The following LILRB5 variants were observed in gnomAD, a reference collection of about 807,000 sequenced individuals.
LILRB5 encodes the protein leukocyte immunoglobulin like receptor B5.
A neutral mutation model predicts 68.4 loss-of-function variants in LILRB5; 61 were observed. The observed-to-expected ratio is 0.89, with a 90% CI of 0.73 to 1.10. LILRB5 has a LOEUF of 1.10. Among genes scored for constraint, LILRB5 ranks in the 50% least tolerant of loss-of-function variants. The pLI is 0.00. For missense variants in LILRB5, 771 were observed against 751.6 expected, an observed-to-expected ratio of 1.03 and a Z score of -0.30; for synonymous variants, 356 against 315.8, an observed-to-expected ratio of 1.13 and a Z score of -1.35.
In LILRB5 at chr19:54,257,028, C is replaced by T. The variant is rs375838392; in HGVS notation, c.35-32G>A. 1.5e-5 allele frequency: 24 copies of T among 1,614,080 alleles called. No homozygotes were observed. In the Admixed American group the frequency reaches 2.8e-4, roughly 19 times the overall value. ...GAGAGTTCCCTGTGAGGGATTTGCC[C>T]CTGGAAGCCCCAGCAGTTCCTCTCC... On this transcript the variant is annotated intron_variant, in intron 1 of 12. Coordinates refer to ENST00000449561, the MANE Select transcript of LILRB5 (RefSeq NM_001081442.3).
In LILRB5 at chr19:54,256,050, C is replaced by G. The variant is rs760575759; in HGVS notation, c.648G>C (p.Leu216=). 2 of 1,536,782 alleles carry G rather than the reference C, an allele frequency of 1.3e-6. No homozygotes were observed. The highest frequency in any genetic ancestry group is 2.3e-5 in the East Asian group (1 of 44,178). ...GTGTGGTGGCTTTTTCACCTGGGAC[C>G]AGAATCTCCAGGAGGTCACTGGGGT... is the stretch of plus-strand genomic sequence containing the variant. ...WSNPSDLLEI[L]VPGVSRKPSL... The change falls in exon 4 of 13, where the codon CTG becomes CTC. Residue 216 remains leucine (L), a synonymous_variant. Transcript: ENST00000449561.
At position 54,250,728 on chromosome 19, in the gene LILRB5, G is replaced by A. The variant is rs2147594503; in HGVS notation, c.*58C>T. 1.2e-6 allele frequency: 2 copies of A among 1,608,088 alleles called. No homozygotes were observed. Among genetic ancestry groups the A allele is most frequent in the East Asian group, 2.2e-5 (1 of 44,812 alleles). The stretch of plus-strand genomic sequence containing the variant: ...GGTGTCCACTGGGGGCAGCTCCTGT[G>A]CCTTCTGGAGTCTCTGAGTCTCCTT... On this transcript the variant is annotated 3_prime_UTR_variant, in exon 13 of 13. Coordinates refer to ENST00000449561, the MANE Select transcript of LILRB5 (RefSeq NM_001081442.3).
Position 54,256,107 on chromosome 19 carries a change from G to A in LILRB5, c.591C>T (p.Tyr197=), listed in dbSNP as rs1179311017. The A allele has an allele frequency of 1.2e-6, 2 of 1,600,802 alleles. No individual in the cohort carries two copies. Among genetic ancestry groups the A allele is most frequent in the South Asian group, 1.1e-5 (1 of 89,650 alleles). ...ACACCTGAGGGTTTTTCCTGTAATA[G>A]TAATAGCATCTGAACCTCCACCTGC... ...PSCRWRFRCY[Y]YYRKNPQVWS... is the part of the protein sequence containing the mutation. Residue 197 remains tyrosine, a synonymous_variant, in exon 4 of 13, where the codon TAC becomes TAT. Transcript: ENST00000449561.
In LILRB5 at chr19:54,256,716, T is replaced by C. The variant is rs749809436; in HGVS notation, c.128A>G (p.Lys43Arg). The C allele has an allele frequency of 4.3e-6, 7 of 1,613,994 alleles. No individual in the cohort carries two copies. The East Asian group carries it at 1.6e-4, about 36-fold the overall frequency. ...AEPASVIARGKPVTLWCQGPL... is the reference protein window; with the variant it reads ...AEPASVIARGRPVTLWCQGPL... ...CCCCTGACACCAGAGGGTCACGGGC[T>C]TCCCCCGAGCTATCACAGAGGCTGG... Residue 43 changes from lysine (K) to arginine (R), a missense_variant, in exon 3 of 13, where the codon AAG (lysine) becomes AGG (arginine). Transcript: ENST00000449561.
chr19:54,252,254 C>T, intron 11 of LILRB5, 112 bp downstream of exon 11: 1 of 1,455,288 alleles, frequency 6.9e-7, no homozygotes. Flanking sequence ...GGGTTCAGAC[C>T]GCCTCCCCCT....
In LILRB5 at chr19:54,256,581, G is replaced by A. The variant is rs140817608; in HGVS notation, c.263C>T (p.Thr88Met). ...GTATCGCCCTGCACTGTCATACACC[G>A]TGGATGGAATGTGGAACTTGGCCTT... ...GAKAKFHIPS[T>M]VYDSAGRYRC... is the part of the protein sequence containing the mutation. The change falls in exon 3 of 13, where the codon ACG becomes ATG. Residue 88 changes from threonine (T) to methionine (M), a missense_variant. By Grantham distance (81) the Thr-to-Met change is moderately conservative. Transcript: ENST00000449561. 44 of 1,614,064 alleles carry A rather than the reference G, an allele frequency of 2.7e-5. No individual in the cohort carries two copies. The highest frequency in any genetic ancestry group is 6.7e-5 in the East Asian group (3 of 44,892).
In LILRB5 at chr19:54,255,479, GAATATGTCAT is replaced by G. The variant is rs775871822; in HGVS notation, c.749_758del (p.Tyr250SerfsTer33). On this transcript the variant is annotated frameshift_variant, in exon 5 of 13. Transcript: ENST00000449561. LOFTEE classifies it high-confidence loss of function. ...CATGTTCCCCCTCCTTGTACAGAAC[GAATATGTCAT>G]AGCCGACATCAGAGCGACACTGCAG... is the stretch of plus-strand genomic sequence containing the variant. 92 of 1,613,644 alleles carry G rather than the reference GAATATGTCAT, an allele frequency of 5.7e-5. 1 individual carries two copies. The East Asian group carries it at 2.0e-3, about 35-fold the overall frequency.
Position 54,250,874 on chromosome 19 carries a change from A to G in LILRB5, c.1688T>C (p.Leu563Pro). 6.3e-7 allele frequency: 1 copy of G among 1,598,672 alleles called. No homozygotes were observed. The highest frequency in any genetic ancestry group is 1.7e-5 in the Admixed American group (1 of 57,322). Residue 563 changes from leucine to proline, a missense_variant, in exon 13 of 13, where the codon CTC becomes CCC. By Grantham distance (98) the Leu-to-Pro change is moderately conservative (BLOSUM62 -3). Coordinates refer to ENST00000449561, the MANE Select transcript of LILRB5 (RefSeq NM_001081442.3). ...AGGAGGCTCAGTTGCCTCCCGTCTG[A>G]GGGTCAAGCTGTGCAGCTGGGCGTA... The part of the protein sequence containing the change: ...VTYAQLHSLT[L>P]RREATEPPPS...
rs1375667408 is a variant in LILRB5 at position 54,254,845 on chromosome 19, A to G, written c.1145T>C (p.Met382Thr). 2.5e-6 allele frequency: 4 copies of G among 1,614,110 alleles called. No individual in the cohort carries two copies. The highest frequency in any genetic ancestry group is 2.5e-6 in the Non-Finnish European group (3 of 1,179,984). Residue 382 changes from methionine (M) to threonine (T), a missense_variant, in exon 6 of 13, where the codon ATG (methionine) becomes ACG (threonine). Coordinates refer to ENST00000449561, the MANE Select transcript of LILRB5 (RefSeq NM_001081442.3). ...ACCCTGGGCTGAGGTCACAGGACTC[A>G]TGGAGAATTCAGCCTGGTGTCTATA... Reference protein sequence around the residue: ...QSYRHQAEFSMSPVTSAQGGT... With the variant: ...QSYRHQAEFSTSPVTSAQGGT...
Position 54,256,548 on chromosome 19 carries a change from T to C in LILRB5, c.296A>G (p.Tyr99Cys). ...TGACCAGCCTGCAGGGGTCTCATAGTAGCAGCGGTATCGCCCTGCACTGTC... is the reference window on the plus strand; with the variant it reads ...TGACCAGCCTGCAGGGGTCTCATAGCAGCAGCGGTATCGCCCTGCACTGTC... ...VYDSAGRYRC[Y>C]YETPAGWSEP... The change falls in exon 3 of 13, where the codon TAC becomes TGC. Residue 99 changes from tyrosine to cysteine, a missense_variant. Physicochemically the swap from Tyr to Cys is radical, Grantham distance 194. Coordinates refer to ENST00000449561, the MANE Select transcript of LILRB5 (RefSeq NM_001081442.3). 6.2e-7 allele frequency: 1 copy of C among 1,614,168 alleles called. No individual in the cohort carries two copies. The highest frequency in any genetic ancestry group is 8.5e-7 in the Non-Finnish European group (1 of 1,180,006).
At chr19:54,251,029 G>A in intron 12 of LILRB5, 97 bp from the exon 13 acceptor site, 1 of 1,605,998 alleles carries the variant, frequency 6.2e-7, no homozygotes, top group Non-Finnish European at 8.5e-7. Flanking sequence ...CCATCTGTCT[G>A]TCCTCTTCTG....
At chr19:54,256,398 A>AGGGCT (rs1461417359) in intron 3 of LILRB5, 56 bp from the exon 4 acceptor site, 20 of 1,587,834 alleles carry the variant, frequency 1.3e-5, no homozygotes, top group Non-Finnish European at 1.7e-5. Flanking sequence ...CATCATCCCC[A>AGGGCT]GGGCTGGGCT....
chr19:54,252,586 A>G (rs369733189), intron 9 of LILRB5, 37 bp from the exon 10 acceptor site: 3 of 1,610,828 alleles, frequency 1.9e-6, no homozygotes, highest in Non-Finnish European at 2.5e-6. Flanking sequence ...GCCTGGGAGA[A>G]TTCGAACCAG....
rs1237904946 is a variant in LILRB5, at chr19:54,254,757, G to A, written c.1233C>T (p.Tyr411=). Residue 411 remains tyrosine (Y), a synonymous_variant, in exon 6 of 13, where the codon TAC becomes TAT. Transcript: ENST00000449561. ...SYPYLLSSPS[Y]PQELVVSGPS... ...CACCTGAGACCACGAGCTCCTGGGG[G>A]TAACTAGGGCTGGACAGCAGGTAGG... The A allele has an allele frequency of 6.2e-7, 1 of 1,614,100 alleles. No individual in the cohort carries two copies. The highest frequency in any genetic ancestry group is 8.5e-7 in the Non-Finnish European group (1 of 1,179,984).
chr19:54,256,006 C>T (rs757763344), intron 4 of LILRB5, 37 bp downstream of exon 4: 1 of 1,494,498 alleles, frequency 6.7e-7, no homozygotes, highest in Non-Finnish European at 9.0e-7. Context: ...TATCTGGTTC[C>T]CCAAAATTAT....
chr19:54,256,754 G>C lies in LILRB5; in HGVS notation c.90C>G (p.Thr30=). The change falls in exon 3 of 13, where the codon ACC becomes ACG. Residue 30 remains threonine (T), a synonymous_variant. Coordinates refer to ENST00000449561, the MANE Select transcript of LILRB5 (RefSeq NM_001081442.3). ...TCACAGAGGCTGGCTCAGCCCAGAG[G>C]GTGGGTTTGGGGAGGGTGCCTAGAA... ...CVQAGTLPKP[T]LWAEPASVIA... is the part of the protein sequence containing the mutation. The C allele has an allele frequency of 3.1e-6, 5 of 1,614,042 alleles. No individual in the cohort carries two copies. The highest frequency in any genetic ancestry group is 4.2e-6 in the Non-Finnish European group (5 of 1,180,012).
At position 54,252,040 on chromosome 19, in the gene LILRB5, G is replaced by A. The variant is rs368488596; in HGVS notation, c.1629+14C>T. ...AGGAGGCCTTTGGTGCCCGGGACAG[G>A]GGCGGGGCCTCACCGGAGCATCCAT... On this transcript the variant is annotated intron_variant, in intron 12 of 12. Transcript: ENST00000449561. The A allele has an allele frequency of 6.6e-5, 106 of 1,612,982 alleles. No homozygotes were observed. The African/African-American group carries it at 1.2e-3, about 19-fold the overall frequency.
rs549780886 is a variant in LILRB5 at position 54,255,643 on chromosome 19, CCGTCCTGG to C, written c.656-69_656-62del. ...GTTCCTCCCCCGCCCCTTCCTTCTCCCGTCCTGGCGTCCTGGCCCTGCAGGTCTCACTG... is the reference window on the plus strand; with the variant it reads ...GTTCCTCCCCCGCCCCTTCCTTCTCCCGTCCTGGCCCTGCAGGTCTCACTG... On this transcript the variant is annotated intron_variant, in intron 4 of 12. Coordinates refer to ENST00000449561, the MANE Select transcript of LILRB5 (RefSeq NM_001081442.3). 1.7e-3 allele frequency: 2,543 copies of C among 1,531,672 alleles called. 58 individuals carry two copies. In the South Asian group the frequency reaches 0.026, roughly 16 times the overall value. The allele number at this position is 1,531,672 out of a possible 1,614,324, so 94.9% of individuals were successfully genotyped here.
rs2078901957 is a variant in LILRB5, at chr19:54,250,253, G to A, written c.*533C>T. 1 of 153,760 alleles carries A rather than the reference G, an allele frequency of 6.5e-6. No homozygotes were observed. Among genetic ancestry groups the A allele is most frequent in the Admixed American group, 6.3e-5 (1 of 15,768 alleles). The allele number at this position is 153,760 out of a possible 1,614,324, so 9.5% of individuals were successfully genotyped here. ...TTTTTTCCTTGCTTATTGTGGCTAG[G>A]ATTTGTGAATGTAATTCACATTCTC... On this transcript the variant is annotated 3_prime_UTR_variant, in exon 13 of 13. Coordinates refer to ENST00000449561, the MANE Select transcript of LILRB5 (RefSeq NM_001081442.3).
Sources: gnomAD v4.1 joint callset for allele counts on GRCh38, gnomAD v4.1.1 for gene constraint, MANE v1.5 for transcripts, NCBI Gene and HGNC (gene_info 2026-07-23, HGNC 2026-07-21) for gene names.